PPP1R9A: variants seen among roughly 807,000 people sequenced by gnomAD.
The protein encoded by PPP1R9A is neurabin-1.
In PPP1R9A, 59 loss-of-function variants were observed where a neutral mutation model predicts 141.9. The ratio of observed to expected loss-of-function variants is 0.42; its 90% CI spans 0.34 to 0.52. The LOEUF (loss-of-function observed/expected upper bound fraction) is 0.52, where lower values mean the gene tolerates loss of function less well. Among genes scored for constraint, PPP1R9A ranks in the 20% least tolerant of loss-of-function variants. PPP1R9A has a pLI of 0.10. For missense variants in PPP1R9A, 1,444 were observed against 1,611.9 expected, an observed-to-expected ratio of 0.90 and a Z score of 1.78; for synonymous variants, 500 against 569.7, an observed-to-expected ratio of 0.88 and a Z score of 1.74.
intron 5 of PPP1R9A, among the ~76,000 whole-genome samples, chr7:95,167,924 T>C (rs1353071217): frequency 6.6e-6 from 1 of 152,114 alleles, no homozygotes; most frequent in Non-Finnish European, 1.5e-5. Flanking sequence ...AAAGAGCCCA[T>C]GCTCATGGAT....
chr7:95,153,082 T>C (rs748287008), intron 4 of PPP1R9A, among the ~76,000 whole-genome samples: 5 of 152,080 alleles, frequency 3.3e-5, no homozygotes, highest in Admixed American at 6.5e-5. Flanking sequence ...ACTCCTGACC[T>C]CAAATGATTC....
chr7:94,957,909 T>C (rs1008590595), intron 2 of PPP1R9A, among the ~76,000 whole-genome samples: 1 of 152,078 alleles, frequency 6.6e-6, no homozygotes, highest in Non-Finnish European at 1.5e-5. Context: ...TTGAGAGGCC[T>C]GCTGTCATGA....
At chr7:95,207,483 A>G (rs1791077111) in intron 7 of PPP1R9A, among the ~76,000 whole-genome samples, 1 of 152,156 alleles carries the variant, frequency 6.6e-6, no homozygotes, top group Non-Finnish European at 1.5e-5. Flanking sequence ...ATTCATAAAA[A>G]CAATGCAAAA....
chr7:95,260,332 A>AAT (rs1800235234), intron 12 of PPP1R9A, among the ~76,000 whole-genome samples: 1 of 152,194 alleles, frequency 6.6e-6, no homozygotes, highest in African/African-American at 2.4e-5. Flanking sequence ...CATCTTCATA[A>AAT]GTTCGTAGAA....
At chr7:95,056,095 C>A (rs1811461074) in intron 2 of PPP1R9A, among the ~76,000 whole-genome samples, 2 of 152,054 alleles carry the variant, frequency 1.3e-5, no homozygotes, top group Admixed American at 1.3e-4. Context: ...CTTGCATATA[C>A]TATTAGCAAT....
chr7:94,974,899 C>T (rs1408727614), intron 2 of PPP1R9A, among the ~76,000 whole-genome samples: 1 of 152,032 alleles, frequency 6.6e-6, no homozygotes, highest in East Asian at 1.9e-4. Flanking sequence ...AGACACCATA[C>T]AGGAAATTGA....
intron 7 of PPP1R9A, among the ~76,000 whole-genome samples, chr7:95,224,940 T>G (rs1282707146): frequency 6.6e-6 from 1 of 152,088 alleles, no homozygotes; most frequent in Non-Finnish European, 1.5e-5. Context: ...AACTTTGTTT[T>G]TTTAACCCTG....
intron 17 of PPP1R9A, among the ~76,000 whole-genome samples, chr7:95,285,068 T>G (rs1805032539): frequency 6.6e-6 from 1 of 152,226 alleles, no homozygotes; most frequent in African/African-American, 2.4e-5. Flanking sequence ...GCTGCTTAAA[T>G]GTTCTGCTGG....
intron 7 of PPP1R9A, among the ~76,000 whole-genome samples, chr7:95,212,435 A>G (rs1052187450): frequency 2.0e-5 from 3 of 152,152 alleles, no homozygotes; most frequent in Non-Finnish European, 4.4e-5. Context: ...CCTTCAGATG[A>G]TTATAGAGAT....
At chr7:95,190,109 C>T (rs1835279974) in intron 5 of PPP1R9A, among the ~76,000 whole-genome samples, 1 of 152,130 alleles carries the variant, frequency 6.6e-6, no homozygotes, top group Non-Finnish European at 1.5e-5. Flanking sequence ...TGTTTTGCCA[C>T]ATTACCAGAA....
chr7:95,187,415 G>C (rs1274255555), intron 5 of PPP1R9A, among the ~76,000 whole-genome samples: 1 of 152,008 alleles, frequency 6.6e-6, no homozygotes, highest in Non-Finnish European at 1.5e-5. Flanking sequence ...TTCTTGGTTA[G>C]TTGCACTAAT....
intron 8 of PPP1R9A, among the ~76,000 whole-genome samples, chr7:95,234,812 A>C (rs1796454965): frequency 6.6e-6 from 1 of 152,174 alleles, no homozygotes. Context: ...CTGGTATAAA[A>C]TTAAGCACAT....
rs568882288 is a variant in PPP1R9A, at chr7:94,957,231, G to A, written c.1395+45723G>A. Among the ~76,000 whole-genome samples the A allele has an allele frequency of 1.3e-3, 197 of 152,224 alleles. 3 individuals carry two copies. Among genetic ancestry groups the A allele is most frequent in the Middle Eastern group, 6.8e-3 (2 of 294 alleles). On this transcript the variant is annotated intron_variant, in intron 2 of 19. Transcript: ENST00000433360. The stretch of plus-strand genomic sequence containing the variant: ...TTTTTGCCTCAGTCACTCATGTGCT[G>A]TACAGTTTAAAGCCATGGGACAGCC...
At chr7:95,055,435 T>A (rs1811382107) in intron 2 of PPP1R9A, among the ~76,000 whole-genome samples, 1 of 152,118 alleles carries the variant, frequency 6.6e-6, no homozygotes, top group African/African-American at 2.4e-5. Flanking sequence ...CTTGGAAACA[T>A]CTCCAGTTTC....
At chr7:95,279,615 A>T (rs1471980145) in intron 16 of PPP1R9A, among the ~76,000 whole-genome samples, 1 of 152,198 alleles carries the variant, frequency 6.6e-6, no homozygotes, top group African/African-American at 2.4e-5. Context: ...TTCCATACTT[A>T]AAAAAGCTCT....
intron 5 of PPP1R9A, among the ~76,000 whole-genome samples, chr7:95,163,913 T>C (rs1465225221): frequency 6.6e-6 from 1 of 152,130 alleles, no homozygotes; most frequent in African/African-American, 2.4e-5. Flanking sequence ...TAATTTTGTA[T>C]TTTTAGTAGA....
intron 2 of PPP1R9A, among the ~76,000 whole-genome samples, chr7:94,917,063 G>A (rs371200370): frequency 5.9e-5 from 9 of 152,220 alleles, no homozygotes; most frequent in South Asian, 2.1e-4. Context: ...TGATCTGACC[G>A]CGTTGGCCTC....
chr7:94,960,570 C>T (rs1447310643), intron 2 of PPP1R9A, among the ~76,000 whole-genome samples: 2 of 151,624 alleles, frequency 1.3e-5, no homozygotes, highest in East Asian at 1.9e-4. Flanking sequence ...TACACCTTAG[C>T]AGATGTTTTG....
chr7:95,106,230 A>G (rs1819496681), intron 2 of PPP1R9A, among the ~76,000 whole-genome samples: 2 of 152,180 alleles, frequency 1.3e-5, no homozygotes, highest in African/African-American at 4.8e-5. Flanking sequence ...TACATGGACT[A>G]TTTCATTTTA....
Sources: gnomAD v4.1 joint callset for allele counts (sites outside exome capture counted in the v4.1 genomes callset) on GRCh38, gnomAD v4.1.1 for gene constraint, MANE v1.5 for transcripts, NCBI Gene and HGNC (gene_info 2026-07-23, HGNC 2026-07-21) for gene names.